Variants in SYT17 observed in about 807,000 individuals in gnomAD.
SYT17 encodes synaptotagmin 17, also known as synaptotagmin-17.
SYT17 carries 22 observed loss-of-function variants against 46.7 expected under a neutral mutation model. The observed-to-expected ratio is 0.47, with a 90% CI of 0.34 to 0.67. The LOEUF (loss-of-function observed/expected upper bound fraction) is 0.67. SYT17 is among the 30% of genes least tolerant of loss of function. The probability of loss-of-function intolerance (pLI) is 0.01; values close to 1 mark genes in which losing one functional copy is unlikely to be tolerated. For missense variants in SYT17, 519 were observed against 612.8 expected (o/e 0.85, Z 1.62); for synonymous variants, 251 against 248.4 (o/e 1.01, Z -0.10).
chr16:19,208,201 G>T (rs1315691637), intron 5 of SYT17, among the ~76,000 whole-genome samples: 2 of 152,152 alleles, frequency 1.3e-5, no homozygotes, highest in African/African-American at 4.8e-5. Flanking sequence ...GGATACGTTT[G>T]CTATACACAT....
chr16:19,227,083 G>T (rs1762173069), intron 7 of SYT17, among the ~76,000 whole-genome samples: 1 of 152,040 alleles, frequency 6.6e-6, no homozygotes, highest in African/African-American at 2.4e-5. Flanking sequence ...TGTAAAATGG[G>T]GATAACAATA....
chr16:19,264,600 T>TC (rs1363720828), intron 7 of SYT17, among the ~76,000 whole-genome samples: 1 of 151,420 alleles, frequency 6.6e-6, no homozygotes, highest in African/African-American at 2.4e-5. Flanking sequence ...CCCCACCTTT[T>TC]TTTTTTTTTG....
chr16:19,172,703 CTTT>C, intron 1 of SYT17, 54 bp from the exon 2 acceptor site: 1 of 1,578,464 alleles, frequency 6.3e-7, no homozygotes, highest in South Asian at 1.2e-5. Flanking sequence ...GTCTCTCTTT[CTTT>C]AACCCCTTCG....
intron 5 of SYT17, among the ~76,000 whole-genome samples, chr16:19,220,807 G>A (rs1410854524): frequency 1.3e-5 from 2 of 152,158 alleles, no homozygotes; most frequent in Non-Finnish European, 2.9e-5. Flanking sequence ...AAGCATCAGA[G>A]GAGTAAGGGG....
rs143448107 is a variant in SYT17 at position 19,231,523 on chromosome 16, CAAAAA to C, written c.1228+6708_1228+6712del. Among the ~76,000 whole-genome samples the C allele has an allele frequency of 2.0e-3, 91 of 45,848 alleles. 1 individual carries two copies. The highest frequency in any genetic ancestry group is 6.1e-3 in the African/African-American group (86 of 13,984). The allele number at this position is 45,848 out of a possible 152,430, so 30.1% of individuals were successfully genotyped here. On this transcript the variant is annotated intron_variant, in intron 7 of 7. Coordinates refer to ENST00000355377, the MANE Select transcript of SYT17 (RefSeq NM_016524.4). The stretch of plus-strand genomic sequence containing the variant: ...GGGCAACAAGAGTGAAACTCCATCA[CAAAAA>C]AAAAAAAAAAAAAAAAAAAAAAGAA...
At chr16:19,197,025 A>T (rs897483907) in intron 5 of SYT17, among the ~76,000 whole-genome samples, 1 of 152,208 alleles carries the variant, frequency 6.6e-6, no homozygotes, top group Non-Finnish European at 1.5e-5. Flanking sequence ...GTATTTTGAG[A>T]TCACTCACCA....
At chr16:19,266,790 C>A in intron 7 of SYT17, 90 bp from the exon 8 acceptor site, 1 of 1,199,670 alleles carries the variant, frequency 8.3e-7, no homozygotes, top group Non-Finnish European at 1.2e-6. Context: ...AATGTGTAGA[C>A]TAATGGCCTC....
chr16:19,175,421 AG>A (rs1348887459), intron 3 of SYT17, among the ~76,000 whole-genome samples: 1 of 151,834 alleles, frequency 6.6e-6, no homozygotes, highest in Non-Finnish European at 1.5e-5. Flanking sequence ...TGGGAGACTG[AG>A]GTGGGAGGAC....
At chr16:19,262,953 G>A (rs1969090320) in intron 7 of SYT17, among the ~76,000 whole-genome samples, 1 of 152,150 alleles carries the variant, frequency 6.6e-6, no homozygotes, top group African/African-American at 2.4e-5. Flanking sequence ...CTCAGGGACA[G>A]TCTTGCCATT....
intron 7 of SYT17, among the ~76,000 whole-genome samples, chr16:19,248,776 C>T (rs573603126): frequency 2.3e-4 from 35 of 152,042 alleles, no homozygotes; most frequent in African/African-American, 6.5e-4. Context: ...GAGCTGAGAT[C>T]GCGCCACTGG....
intron 7 of SYT17, 98 bp from the exon 8 acceptor site, chr16:19,266,782 T>C (rs976365025): frequency 2.7e-6 from 3 of 1,092,552 alleles, no homozygotes; most frequent in African/African-American, 3.1e-5. Context: ...AGTTGACAAA[T>C]GTGTAGACTA....
At chr16:19,241,571 G>A (rs956278306) in intron 7 of SYT17, among the ~76,000 whole-genome samples, 24 of 152,262 alleles carry the variant, frequency 1.6e-4, no homozygotes, top group African/African-American at 2.4e-4. Context: ...TCACTGGGTC[G>A]CTCTCTGCCC....
At chr16:19,236,331 C>T (rs561825918) in intron 7 of SYT17, among the ~76,000 whole-genome samples, 2 of 152,174 alleles carry the variant, frequency 1.3e-5, no homozygotes, top group African/African-American at 2.4e-5. Flanking sequence ...AATCTTTCAA[C>T]AAACATATAA....
At chr16:19,172,243 T>C (rs1964125172) in intron 1 of SYT17, 2 of 891,054 alleles carry the variant, frequency 2.2e-6, no homozygotes, top group South Asian at 4.1e-5. Context: ...TCCCTCTATT[T>C]GTGGGTGGTG....
intron 5 of SYT17, among the ~76,000 whole-genome samples, chr16:19,219,722 C>T (rs2142849580): frequency 6.6e-6 from 1 of 152,288 alleles, no homozygotes; most frequent in Admixed American, 6.5e-5. Flanking sequence ...GAAATCATCT[C>T]ATTTATGTAT....
chr16:19,233,832 A>C (rs1206015712), intron 7 of SYT17, among the ~76,000 whole-genome samples: 3 of 152,100 alleles, frequency 2.0e-5, no homozygotes, highest in Non-Finnish European at 4.4e-5. Context: ...GTTCCAGGGC[A>C]CAGATGCTTC....
intron 7 of SYT17, among the ~76,000 whole-genome samples, chr16:19,248,257 C>G (rs1226848254): frequency 1.3e-5 from 2 of 152,152 alleles, no homozygotes; most frequent in Admixed American, 6.5e-5. Flanking sequence ...CTGGAACTCT[C>G]ATGCATTTCT....
intron 5 of SYT17, among the ~76,000 whole-genome samples, chr16:19,196,204 T>C (rs4782216): frequency 0.18 from 27,419 of 151,784 alleles, 2,616 homozygotes; most frequent in African/African-American, 0.23. Flanking sequence ...TATACTACTT[T>C]GGTCATAACC....
chr16:19,183,472 G>A lies in SYT17; in HGVS notation c.332-56G>A. The stretch of plus-strand genomic sequence containing the variant: ...GCAAGAATCTGCTTACCTGCAAAGT[G>A]GCCCAGGTCTGCCCCGTATGTGGCT... On this transcript the variant is annotated intron_variant, in intron 4 of 7. Transcript: ENST00000355377. The surrounding 1 kb of genome is among the most constrained non-coding windows in gnomAD (Gnocchi z 5.6). 6.3e-7 allele frequency: 1 copy of A among 1,594,420 alleles called. No homozygotes were observed. The highest frequency in any genetic ancestry group is 1.7e-5 in the Admixed American group (1 of 58,132).
Sources: gnomAD v4.1 joint callset for allele counts (sites outside exome capture counted in the v4.1 genomes callset) on GRCh38, gnomAD v4.1.1 for gene constraint, Gnocchi (gnomAD v3.1) non-coding constraint, MANE v1.5 for transcripts, NCBI Gene and HGNC (gene_info 2026-07-23, HGNC 2026-07-21) for gene names.